TIMELESS: variants seen among roughly 807,000 people sequenced by gnomAD.
TIMELESS encodes the protein protein timeless homolog.
TIMELESS carries 124 observed loss-of-function variants against 164.3 expected under a neutral mutation model. That is an observed-to-expected ratio of 0.75 (90% CI 0.65 to 0.88). The LOEUF (loss-of-function observed/expected upper bound fraction) is 0.88, where lower values mean the gene tolerates loss of function less well. Ranked by LOEUF, TIMELESS falls within the 40% of genes least tolerant of loss-of-function variation. TIMELESS has a pLI of 0.00. For missense variants in TIMELESS, 1,422 were observed against 1,491.4 expected, an observed-to-expected ratio of 0.95 and a Z score of 0.77; for synonymous variants, 564 against 563.4, an observed-to-expected ratio of 1.00 and a Z score of -0.02.
chr12:56,424,440 C>T (rs1219126068), intron 15 of TIMELESS, among the ~76,000 whole-genome samples: 3 of 152,144 alleles, frequency 2.0e-5, no homozygotes, highest in Non-Finnish European at 4.4e-5. Flanking sequence ...CAATGTATAA[C>T]AAAACCAGTT....
chr12:56,448,898 A>G (rs183935745), intron 1 of TIMELESS, among the ~76,000 whole-genome samples: 4 of 152,302 alleles, frequency 2.6e-5, no homozygotes, highest in South Asian at 2.1e-4. Context: ...AACCCACGAT[A>G]TAAGTAAAGC....
intron 1 of TIMELESS, among the ~76,000 whole-genome samples, chr12:56,448,379 C>G (rs1393459820): frequency 6.6e-6 from 1 of 151,132 alleles, no homozygotes; most frequent in African/African-American, 2.4e-5. Flanking sequence ...GCACTCCAGC[C>G]TGGGCGACAG....
intron 1 of TIMELESS, among the ~76,000 whole-genome samples, chr12:56,448,182 G>A (rs1037991802): frequency 6.6e-6 from 1 of 152,104 alleles, no homozygotes; most frequent in Admixed American, 6.6e-5. Flanking sequence ...GACGCGGGCG[G>A]ATCATTTGAG....
chr12:56,441,452 T>C (rs78633215), intron 1 of TIMELESS, among the ~76,000 whole-genome samples: 1 of 151,718 alleles, frequency 6.6e-6, no homozygotes, highest in African/African-American at 2.4e-5. Context: ...CGAAGCCCAG[T>C]CTCCACAAAA....
intron 13 of TIMELESS, 138 bp from the exon 14 acceptor site, chr12:56,425,290 A>T (rs1244053326): frequency 4.7e-6 from 5 of 1,071,518 alleles, no homozygotes; most frequent in Non-Finnish European, 6.5e-6. Context: ...AATAGAAAGC[A>T]ATAGTGAACA....
In TIMELESS at chr12:56,421,475, A is replaced by C. The variant is rs1218225375; in HGVS notation, c.2744T>G (p.Met915Arg). Residue 915 changes from methionine (M) to arginine (R), a missense_variant, in exon 23 of 29, where the codon ATG becomes AGG. Transcript: ENST00000553532. ...RDSDDVLGHI[M>R]KNITAKRSRA... The stretch of plus-strand genomic sequence containing the variant: ...TGAGCGTTTGGCTGTGATATTCTTC[A>C]TGATATGACCCAGGACATCTATAAA... 2 of 1,613,624 alleles carry C rather than the reference A, an allele frequency of 1.2e-6. No individual in the cohort carries two copies. The highest frequency in any genetic ancestry group is 8.5e-7 in the Non-Finnish European group (1 of 1,179,780).
chr12:56,433,107 C>T lies in TIMELESS; in HGVS notation c.450G>A (p.Glu150=). The T allele has an allele frequency of 1.9e-6, 3 of 1,614,142 alleles. No homozygotes were observed. Among genetic ancestry groups the T allele is most frequent in the Non-Finnish European group, 2.5e-6 (3 of 1,180,008 alleles). Reference sequence around the variant, plus strand: ...TCCGTTCAATCAGCAAGTTGTCTTCCTCCTGCCGTTCCTCCCAGCCCTAAC... The same window carrying T: ...TCCGTTCAATCAGCAAGTTGTCTTCTTCCTGCCGTTCCTCCCAGCCCTAAC... ...LLQLGWEERQ[E]EDNLLIERIL... Residue 150 remains glutamate, a synonymous_variant, in exon 6 of 29, where the codon GAG becomes GAA. Coordinates refer to ENST00000553532, the MANE Select transcript of TIMELESS (RefSeq NM_003920.5).
At chr12:56,448,306 T>C (rs1868414448) in intron 1 of TIMELESS, among the ~76,000 whole-genome samples, 1 of 151,842 alleles carries the variant, frequency 6.6e-6, no homozygotes, top group African/African-American at 2.4e-5. Context: ...CTGGGGAGGC[T>C]GAGGCAGGAG....
intron 1 of TIMELESS, among the ~76,000 whole-genome samples, chr12:56,443,901 T>C (rs920985213): frequency 2.0e-5 from 3 of 149,970 alleles, no homozygotes; most frequent in African/African-American, 7.3e-5. Context: ...CGGTATTCTT[T>C]TTTTTTTTTT....
chr12:56,421,860 T>A, intron 21 of TIMELESS, 39 bp downstream of exon 21: 1 of 1,613,010 alleles, frequency 6.2e-7, no homozygotes, highest in Non-Finnish European at 8.5e-7. Flanking sequence ...TGATCACGAG[T>A]CCCCATCCCA....
chr12:56,447,651 G>A (rs1166697638), intron 1 of TIMELESS, among the ~76,000 whole-genome samples: 1 of 152,104 alleles, frequency 6.6e-6, no homozygotes, highest in Non-Finnish European at 1.5e-5. Context: ...ATCTCTGTAA[G>A]CCTGGCGCTA....
rs150742725 is a variant in TIMELESS, at chr12:56,424,754, G to T, written c.1868+8C>A. ...AAGCCCAAGAGGATGAGCAGGCAGG[G>T]TTCTTACCGAGCAGACCTCAGGAGA... On this transcript the variant is annotated splice_region_variant and intron_variant, in intron 15 of 28. Transcript: ENST00000553532. 1 of 1,613,104 alleles carries T rather than the reference G, an allele frequency of 6.2e-7. No homozygotes were observed. The highest frequency in any genetic ancestry group is 8.5e-7 in the Non-Finnish European group (1 of 1,179,438).
At position 56,438,272 on chromosome 12, in the gene TIMELESS, C is replaced by T. The variant is rs141360351; in HGVS notation, c.-61-4041G>A. ...GTTGGTCAGGCTGGTCACAAACTCC[C>T]GACCTCTGGTGATCTGCCCGTCTTG... On this transcript the variant is annotated intron_variant, in intron 1 of 28. Transcript: ENST00000553532. 1.7e-3 allele frequency among the ~76,000 whole-genome samples: 261 copies of T among 152,132 alleles called. 2 individuals are homozygous for T. The highest frequency in any genetic ancestry group is 6.8e-3 in the Middle Eastern group (2 of 294).
At chr12:56,441,518 C>T (rs1592257088) in intron 1 of TIMELESS, among the ~76,000 whole-genome samples, 1 of 152,114 alleles carries the variant, frequency 6.6e-6, no homozygotes, top group East Asian at 1.9e-4. Context: ...TCCCAGCTAC[C>T]CAGGAGGCTA....
chr12:56,423,741 T>A, intron 16 of TIMELESS, 34 bp from the exon 17 acceptor site: 1 of 1,614,022 alleles, frequency 6.2e-7, no homozygotes. Flanking sequence ...GAGTCTCTGT[T>A]ATGTTGGTGC....
intron 15 of TIMELESS, among the ~76,000 whole-genome samples, chr12:56,424,380 C>T (rs189877542): frequency 6.6e-5 from 10 of 152,216 alleles, no homozygotes; most frequent in East Asian, 3.9e-4. Context: ...AAGTTAAGTC[C>T]GCCCTTAATG....
At chr12:56,431,209 C>G (rs1284583252) in intron 8 of TIMELESS, among the ~76,000 whole-genome samples, 2 of 151,972 alleles carry the variant, frequency 1.3e-5, no homozygotes, top group Non-Finnish European at 2.9e-5. Flanking sequence ...CAAAAATTAG[C>G]CTGGCATGGT....
chr12:56,442,618 G>A (rs955580142), intron 1 of TIMELESS, among the ~76,000 whole-genome samples: 2 of 151,976 alleles, frequency 1.3e-5, no homozygotes, highest in African/African-American at 4.8e-5. Context: ...CCCTGCAAAA[G>A]ACCATACATA....
At chr12:56,424,119 C>A (rs1881596338) in intron 15 of TIMELESS, among the ~76,000 whole-genome samples, 1 of 152,148 alleles carries the variant, frequency 6.6e-6, no homozygotes, top group Non-Finnish European at 1.5e-5. Flanking sequence ...ATGTTTGACA[C>A]CTGGTTGAAC....
Sources: gnomAD v4.1 joint callset for allele counts (sites outside exome capture counted in the v4.1 genomes callset) on GRCh38, gnomAD v4.1.1 for gene constraint, MANE v1.5 for transcripts, NCBI Gene and HGNC (gene_info 2026-07-23, HGNC 2026-07-21) for gene names.